MAP3K3: variants seen among roughly 807,000 people sequenced by gnomAD.
MAP3K3 encodes the protein MAP/ERK kinase kinase 3.
A neutral mutation model predicts 80.9 loss-of-function variants in MAP3K3; 12 were observed. The observed-to-expected ratio is 0.15, with a 90% CI of 0.10 to 0.24. MAP3K3 has a LOEUF of 0.24. Ranked by LOEUF, MAP3K3 falls within the 10% of genes least tolerant of loss-of-function variation. The probability of loss-of-function intolerance (pLI) is 1.00; values close to 1 mark genes in which losing one functional copy is unlikely to be tolerated. For synonymous variants in MAP3K3, 272 were observed against 307.1 expected (o/e 0.89, Z 1.19); for missense variants, 596 against 834.7 (o/e 0.71, Z 3.52).
At position 63,688,774 on chromosome 17, in the gene MAP3K3, C is replaced by A; in HGVS notation, c.779-15C>A. 1 of 1,594,130 alleles carries A rather than the reference C, an allele frequency of 6.3e-7. No individual in the cohort carries two copies. The highest frequency in any genetic ancestry group is 8.6e-7 in the Non-Finnish European group (1 of 1,161,876). On this transcript the variant is annotated splice_polypyrimidine_tract_variant and intron_variant, in intron 9 of 15. Coordinates refer to ENST00000361733, the MANE Select transcript of MAP3K3 (RefSeq NM_002401.5). ...TGACCTACCCAGAAGCCAGTGATTC[C>A]CCTGTCTTACTCAGATCGGGAAACT...
At chr17:63,673,635 G>C (rs369939128) in intron 6 of MAP3K3, among the ~76,000 whole-genome samples, 2 of 152,142 alleles carry the variant, frequency 1.3e-5, no homozygotes, top group Non-Finnish European at 2.9e-5. Context: ...TGTCGGCGGG[G>C]TGCAGTGGCT....
chr17:63,669,799 T>A (rs946573089), intron 6 of MAP3K3, among the ~76,000 whole-genome samples: 1 of 152,190 alleles, frequency 6.6e-6, no homozygotes, highest in Non-Finnish European at 1.5e-5. Context: ...TTTTTGTTCA[T>A]TCATTCAAAA....
chr17:63,638,595 C>A (rs906877707), intron 2 of MAP3K3, among the ~76,000 whole-genome samples: 8 of 152,182 alleles, frequency 5.3e-5, no homozygotes, highest in African/African-American at 1.9e-4. Flanking sequence ...CTCTCCTGAG[C>A]GTGGCTGTCA....
At chr17:63,667,090 T>A in intron 6 of MAP3K3, 30 bp downstream of exon 6, 1 of 1,552,150 alleles carries the variant, frequency 6.4e-7, no homozygotes, top group African/African-American at 1.4e-5. Context: ...TTTCTCCCCC[T>A]CTATTTTATC....
At chr17:63,636,542 G>A (rs561385716) in intron 2 of MAP3K3, 19 of 155,968 alleles carry the variant, frequency 1.2e-4, no homozygotes, top group African/African-American at 4.3e-4. Flanking sequence ...GTTATCAATG[G>A]GTGTTAGTTC....
intron 8 of MAP3K3, chr17:63,688,271 AG>A (rs2143608299): frequency 1.8e-6 from 1 of 547,164 alleles, no homozygotes; most frequent in Non-Finnish European, 3.3e-6. Context: ...AAGGAGGGAG[AG>A]GGCTGTGCAG....
chr17:63,691,462 G>A lies in MAP3K3; in HGVS notation c.1344+229G>A, dbSNP rs905818151. 2.6e-5 allele frequency among the ~76,000 whole-genome samples: 4 copies of A among 152,184 alleles called. No homozygotes were observed. The highest frequency in any genetic ancestry group is 5.9e-5 in the Non-Finnish European group (4 of 68,018). On this transcript the variant is annotated intron_variant, in intron 13 of 15. Transcript: ENST00000361733. This position sits in a 1 kb window ranked among gnomAD's most constrained non-coding sequence, Gnocchi z 4.8. ...GTCCTAGGTCCAGCACTCCCCTGAGGCATGCAGGGCTGGCCCACTGTCCAG... is the reference window on the plus strand; with the variant it reads ...GTCCTAGGTCCAGCACTCCCCTGAGACATGCAGGGCTGGCCCACTGTCCAG...
chr17:63,648,821 A>G (rs1568130691), intron 3 of MAP3K3, among the ~76,000 whole-genome samples: 1 of 152,132 alleles, frequency 6.6e-6, no homozygotes, highest in East Asian at 1.9e-4. Flanking sequence ...TCACACACAC[A>G]CAGAAAAAAG....
chr17:63,659,778 G>T (rs1467794865), intron 5 of MAP3K3, among the ~76,000 whole-genome samples: 1 of 151,900 alleles, frequency 6.6e-6, no homozygotes, highest in Non-Finnish European at 1.5e-5. Context: ...TGATCCGCCC[G>T]CCTTGGCCTC....
rs1231754186 is a variant in MAP3K3 at position 63,695,043 on chromosome 17, G to A, written c.*1266G>A. On this transcript the variant is annotated 3_prime_UTR_variant, in exon 16 of 16. Coordinates refer to ENST00000361733, the MANE Select transcript of MAP3K3 (RefSeq NM_002401.5). This position sits in a 1 kb window ranked among gnomAD's most constrained non-coding sequence, Gnocchi z 4.1. ...CCTCCAAAATGTGCCTATTGCTAGA[G>A]CTCCTCCCTCTCAACACCCAGTTTC... 1 of 150,394 alleles carries A rather than the reference G, an allele frequency of 6.6e-6. No individual in the cohort carries two copies. Among genetic ancestry groups the A allele is most frequent in the East Asian group, 2.0e-4 (1 of 5,082 alleles). 9.3% of individuals were successfully genotyped at this position (150,394 alleles called of 1,614,324 possible).
At chr17:63,687,801 A>G (rs1292230426) in intron 8 of MAP3K3, among the ~76,000 whole-genome samples, 1 of 125,878 alleles carries the variant, frequency 7.9e-6, no homozygotes, top group Non-Finnish European at 1.7e-5. Flanking sequence ...CATCTTGGCC[A>G]GTGGCGCGTG....
intron 3 of MAP3K3, among the ~76,000 whole-genome samples, chr17:63,650,804 A>G (rs1248250086): frequency 6.8e-6 from 1 of 147,630 alleles, no homozygotes; most frequent in African/African-American, 2.5e-5. Flanking sequence ...TGATCCTCCC[A>G]CCTCAGCCTC....
At chr17:63,656,578 C>G (rs1166784068) in intron 4 of MAP3K3, among the ~76,000 whole-genome samples, 1 of 152,134 alleles carries the variant, frequency 6.6e-6, no homozygotes, top group Non-Finnish European at 1.5e-5. Context: ...GCACTCCAGC[C>G]TGGGCGACAG....
chr17:63,666,099 C>T (rs1210626822), intron 5 of MAP3K3, among the ~76,000 whole-genome samples: 1 of 152,174 alleles, frequency 6.6e-6, no homozygotes, highest in South Asian at 2.1e-4. Context: ...AAAGGCCCCC[C>T]TTTGTTGCTT....
intron 4 of MAP3K3, among the ~76,000 whole-genome samples, chr17:63,656,534 G>C (rs573026019): frequency 6.6e-6 from 1 of 151,948 alleles, no homozygotes; most frequent in African/African-American, 2.4e-5. Flanking sequence ...GAACCCAGGA[G>C]GTGGACATTG....
rs59013253 is a variant in MAP3K3 at position 63,664,842 on chromosome 17, T to C, written c.382-2098T>C. Among the ~76,000 whole-genome samples the C allele has an allele frequency of 4.1e-3, 621 of 152,286 alleles. 7 individuals are homozygous for C. Among genetic ancestry groups the C allele is most frequent in the African/African-American group, 0.013 (535 of 41,566 alleles). ...TCCTCCTTCCTCTTTTTCCCACTTC[T>C]GAGTCTTATTCAAGGTGTCCTAAAC... On this transcript the variant is annotated intron_variant, in intron 5 of 15. Coordinates refer to ENST00000361733, the MANE Select transcript of MAP3K3 (RefSeq NM_002401.5).
Position 63,690,252 on chromosome 17 carries a change from GCT to G in MAP3K3, c.1064-8_1064-7del, listed in dbSNP as rs370750559. ...GTACACAAAGTAACTCTTTCCTTCTGCTCTCCTGTAGCTCCCAGTGCCCCCAT... is the reference window on the plus strand; with the variant it reads ...GTACACAAAGTAACTCTTTCCTTCTGCTCCTGTAGCTCCCAGTGCCCCCAT... On this transcript the variant is annotated splice_polypyrimidine_tract_variant and intron_variant, in intron 11 of 15. Coordinates refer to ENST00000361733, the MANE Select transcript of MAP3K3 (RefSeq NM_002401.5). The G allele has an allele frequency of 1.2e-6, 2 of 1,610,684 alleles. No individual in the cohort carries two copies. Among genetic ancestry groups the G allele is most frequent in the African/African-American group, 1.3e-5 (1 of 74,730 alleles).
chr17:63,645,697 C>T (rs1421972201), intron 2 of MAP3K3, among the ~76,000 whole-genome samples: 2 of 152,172 alleles, frequency 1.3e-5, no homozygotes, highest in Admixed American at 6.5e-5. Context: ...GGAAATGTAT[C>T]CTGGTCAGGA....
At chr17:63,667,362 T>C (rs2035021866) in intron 6 of MAP3K3, among the ~76,000 whole-genome samples, 1 of 152,226 alleles carries the variant, frequency 6.6e-6, no homozygotes, top group African/African-American at 2.4e-5. Context: ...GTGTTTACAC[T>C]CACTTTTGAC....
Sources: gnomAD v4.1 joint callset for allele counts (sites outside exome capture counted in the v4.1 genomes callset) on GRCh38, gnomAD v4.1.1 for gene constraint, Gnocchi (gnomAD v3.1) non-coding constraint, MANE v1.5 for transcripts, NCBI Gene and HGNC (gene_info 2026-07-23, HGNC 2026-07-21) for gene names.